The following RERG variants were observed in gnomAD, a reference collection of about 807,000 sequenced individuals.
The protein encoded by RERG is ras-related and estrogen-regulated growth inhibitor.
RERG carries 25 observed loss-of-function variants against 23.2 expected under a neutral mutation model. The observed-to-expected ratio is 1.08, with a 90% confidence interval of 0.79 to 1.50. RERG has a LOEUF of 1.50. Among genes scored for constraint, RERG ranks in the 40% most tolerant of loss-of-function variants. RERG has a pLI of 0.00. For missense variants in RERG, 253 were observed against 250.1 expected (o/e 1.01, Z -0.08); for synonymous variants, 81 against 89.1 (o/e 0.91, Z 0.51).
chr12:15,203,043 T>G (rs891769891), intron 2 of RERG, among the ~76,000 whole-genome samples: 1 of 151,774 alleles, frequency 6.6e-6, no homozygotes, highest in Non-Finnish European at 1.5e-5. Flanking sequence ...CAGTTTTGAT[T>G]TGCATTGCCC....
intron 2 of RERG, among the ~76,000 whole-genome samples, chr12:15,190,407 C>G (rs1259598943): frequency 2.0e-5 from 3 of 152,120 alleles, no homozygotes; most frequent in African/African-American, 7.2e-5. Context: ...ATATGCTGTG[C>G]ACAGGCCGCA....
chr12:15,161,563 C>T (rs1414828119), intron 2 of RERG, among the ~76,000 whole-genome samples: 1 of 152,186 alleles, frequency 6.6e-6, no homozygotes, highest in Non-Finnish European at 1.5e-5. Context: ...TCAATTAATT[C>T]TCCTGGAAGC....
chr12:15,193,668 T>C (rs1408985959), intron 2 of RERG, among the ~76,000 whole-genome samples: 1 of 152,144 alleles, frequency 6.6e-6, no homozygotes, highest in Non-Finnish European at 1.5e-5. Context: ...GTCCACAATA[T>C]AATAATGAAC....
chr12:15,207,965 G>C (rs1377384068), intron 2 of RERG, among the ~76,000 whole-genome samples: 3 of 152,144 alleles, frequency 2.0e-5, no homozygotes, highest in African/African-American at 7.2e-5. Flanking sequence ...CTGGGCTATA[G>C]TATCCATTGA....
At chr12:15,166,537 G>A (rs1032013254) in intron 2 of RERG, among the ~76,000 whole-genome samples, 21 of 151,276 alleles carry the variant, frequency 1.4e-4, no homozygotes, top group Non-Finnish European at 2.7e-4. Flanking sequence ...TGGTGGTGGT[G>A]GTGGTAGTGG....
At chr12:15,165,192 C>A (rs1345637620) in intron 2 of RERG, among the ~76,000 whole-genome samples, 1 of 152,142 alleles carries the variant, frequency 6.6e-6, no homozygotes, top group Non-Finnish European at 1.5e-5. Flanking sequence ...GTCATAGCAG[C>A]ATGTCTTTGA....
At chr12:15,128,307 C>T (rs1467789161) in intron 2 of RERG, among the ~76,000 whole-genome samples, 2 of 151,982 alleles carry the variant, frequency 1.3e-5, no homozygotes, top group African/African-American at 4.8e-5. Flanking sequence ...TTCTTGAAAA[C>T]GTCTTTAAGA....
intron 2 of RERG, among the ~76,000 whole-genome samples, chr12:15,210,704 C>T (rs757787193): frequency 3.3e-5 from 5 of 152,062 alleles, no homozygotes; most frequent in African/African-American, 4.8e-5. Context: ...TATACATATA[C>T]GTAGGCATAT....
intron 2 of RERG, among the ~76,000 whole-genome samples, chr12:15,124,606 C>A (rs1385056385): frequency 6.6e-6 from 1 of 151,942 alleles, no homozygotes; most frequent in East Asian, 1.9e-4. Flanking sequence ...CATATGTAAC[C>A]TCCTACACAG....
At chr12:15,169,134 C>T (rs1864737483) in intron 2 of RERG, among the ~76,000 whole-genome samples, 1 of 152,188 alleles carries the variant, frequency 6.6e-6, no homozygotes, top group African/African-American at 2.4e-5. Flanking sequence ...CTTAAACCTA[C>T]AAGATCGAGG....
chr12:15,145,632 G>A (rs547112303), intron 2 of RERG, among the ~76,000 whole-genome samples: 3 of 152,350 alleles, frequency 2.0e-5, no homozygotes, highest in Non-Finnish European at 4.4e-5. Context: ...GTGCTCAGGT[G>A]CCTCAGTGGA....
At chr12:15,199,342 G>A (rs1339143789) in intron 2 of RERG, among the ~76,000 whole-genome samples, 2 of 151,956 alleles carry the variant, frequency 1.3e-5, no homozygotes, top group Non-Finnish European at 2.9e-5. Context: ...GCATTCTGAG[G>A]CACTTTTATC....
At chr12:15,174,461 C>T (rs1247694488) in intron 2 of RERG, among the ~76,000 whole-genome samples, 2 of 147,748 alleles carry the variant, frequency 1.4e-5, no homozygotes, top group African/African-American at 5.2e-5. Context: ...ATTTATTCTA[C>T]TTGGAGTTTG....
intron 2 of RERG, among the ~76,000 whole-genome samples, chr12:15,152,734 C>T (rs1864462954): frequency 6.6e-6 from 1 of 152,038 alleles, no homozygotes; most frequent in Admixed American, 6.6e-5. Context: ...TTAACCTTCA[C>T]ATGGTATTTG....
chr12:15,113,202 G>A (rs1439459224), intron 3 of RERG, among the ~76,000 whole-genome samples: 1 of 152,042 alleles, frequency 6.6e-6, no homozygotes, highest in Non-Finnish European at 1.5e-5. Flanking sequence ...TCCAGAAGAT[G>A]TTATAACTCT....
chr12:15,169,977 G>T (rs1039217758), intron 2 of RERG, among the ~76,000 whole-genome samples: 1 of 145,722 alleles, frequency 6.9e-6, no homozygotes, highest in East Asian at 2.1e-4. Flanking sequence ...TAACATCAGG[G>T]ATCAACAATG....
chr12:15,160,284 C>A (rs576301519), intron 2 of RERG, among the ~76,000 whole-genome samples: 22 of 152,092 alleles, frequency 1.4e-4, no homozygotes, highest in Non-Finnish European at 3.1e-4. Context: ...GTGACCCTCG[C>A]TGGGCAGCAC....
chr12:15,202,499 G>T (rs1470557127), intron 2 of RERG, among the ~76,000 whole-genome samples: 2 of 151,670 alleles, frequency 1.3e-5, no homozygotes, highest in Non-Finnish European at 3.0e-5. Context: ...TTCTAATTCT[G>T]TAAGTTTGAC....
At chr12:15,122,436 T>G (rs1863849619) in intron 2 of RERG, among the ~76,000 whole-genome samples, 1 of 152,162 alleles carries the variant, frequency 6.6e-6, no homozygotes, top group Admixed American at 6.5e-5. Context: ...GCATGAGGAC[T>G]TCGCAAAACA....
Sources: allele counts gnomAD v4.1 joint callset (sites outside exome capture counted in the v4.1 genomes callset), GRCh38; gene constraint gnomAD v4.1.1; transcripts MANE v1.5; gene names NCBI Gene and HGNC (gene_info 2026-07-23, HGNC 2026-07-21).